The following CAMTA2 variants were observed in gnomAD, a reference collection of about 807,000 sequenced individuals.
CAMTA2 encodes the protein calmodulin binding transcription activator 2, also known as calmodulin-binding transcription activator 2.
A neutral mutation model predicts 135.7 loss-of-function variants in CAMTA2; 56 were observed. The ratio of observed to expected loss-of-function variants is 0.41; its 90% CI spans 0.33 to 0.52. CAMTA2 has a LOEUF of 0.52. Among genes scored for constraint, CAMTA2 ranks in the 20% least tolerant of loss-of-function variants. CAMTA2 has a pLI of 0.16. For synonymous variants in CAMTA2, 591 were observed against 604.6 expected (o/e 0.98, Z 0.33); for missense variants, 1,358 against 1,553.4 (o/e 0.87, Z 2.11).
intron 16 of CAMTA2, among the ~76,000 whole-genome samples, chr17:4,971,829 C>T (rs1419976575): frequency 6.6e-6 from 1 of 151,616 alleles, no homozygotes; most frequent in African/African-American, 2.4e-5. Context: ...GCTGGGATTA[C>T]AGGCACATAC....
At chr17:4,971,325 A>G (rs1597729070) in intron 16 of CAMTA2, among the ~76,000 whole-genome samples, 1 of 152,258 alleles carries the variant, frequency 6.6e-6, no homozygotes, top group South Asian at 2.1e-4. Context: ...GTTAACTCCT[A>G]CAAACCAGCT....
rs753300111 is a variant in CAMTA2, at chr17:4,986,240, G to C, written c.-18C>G. 8 of 1,606,320 alleles carry C rather than the reference G, an allele frequency of 5.0e-6. No individual in the cohort carries two copies. The Admixed American group carries it at 1.3e-4, about 27-fold the overall frequency. On this transcript the variant is annotated 5_prime_UTR_variant, in exon 2 of 23. Transcript: ENST00000348066. ...GTATTCATGGTGAGGGCTCCAGGGG[G>C]CAAGGTCACCCCCGGCCTGAGGGGC...
In CAMTA2 at chr17:4,980,637, G is replaced by A; in HGVS notation, c.701-16C>T. The A allele has an allele frequency of 1.2e-6, 2 of 1,603,298 alleles. No homozygotes were observed. Among genetic ancestry groups the A allele is most frequent in the Non-Finnish European group, 1.7e-6 (2 of 1,170,622 alleles). On this transcript the variant is annotated splice_polypyrimidine_tract_variant and intron_variant, in intron 8 of 22. Transcript: ENST00000348066. This position sits in a 1 kb window ranked among gnomAD's most constrained non-coding sequence, Gnocchi z 5.3. ...CTCCCAGAACCTGGAGTGGAGAGGA[G>A]TAGGAGGGAGAGGAGATAAGACACA...
chr17:4,969,508 C>T lies in CAMTA2; in HGVS notation c.3274G>A (p.Ala1092Thr). Residue 1092 changes from alanine (A) to threonine (T), a missense_variant, in exon 20 of 23, where the codon GCA (alanine) becomes ACA (threonine). Transcript: ENST00000348066. The surrounding 1 kb of genome is among the most constrained non-coding windows in gnomAD (Gnocchi z 5.6). ...GAGCTCATGCCTAATACCTTAAGTG[C>T]AATCCAGGTCAGCTTGTGGAGAGAG... ...YRKYKQLTWI[A>T]LKFALYKKMT... 6.2e-7 allele frequency: 1 copy of T among 1,614,146 alleles called. No individual in the cohort carries two copies. The highest frequency in any genetic ancestry group is 8.5e-7 in the Non-Finnish European group (1 of 1,179,994).
At chr17:4,984,558 A>G (rs932399528) in intron 3 of CAMTA2, among the ~76,000 whole-genome samples, 2 of 151,910 alleles carry the variant, frequency 1.3e-5, no homozygotes, top group African/African-American at 2.4e-5. Flanking sequence ...TACAACAATC[A>G]CACATACACA....
rs773494369 is a variant in CAMTA2 at position 4,980,076 on chromosome 17, C to T, written c.1246G>A (p.Ala416Thr). The T allele has an allele frequency of 6.2e-7, 1 of 1,613,740 alleles. No homozygotes were observed. Among genetic ancestry groups the T allele is most frequent in the Middle Eastern group, 1.6e-4 (1 of 6,062 alleles). Residue 416 changes from alanine (A) to threonine (T), a missense_variant, in exon 9 of 23, where the codon GCT (alanine) becomes ACT (threonine). Transcript: ENST00000348066. This position sits in a 1 kb window ranked among gnomAD's most constrained non-coding sequence, Gnocchi z 5.3. ...GCTGCCTGGGGCTCCAGGGCAGCAG[C>T]AGGCTCTAGGGCAGAACAGGGGGTA... Reference protein sequence around the residue: ...AHTPCSALEPAAALEPQAAAR... With the variant: ...AHTPCSALEPTAALEPQAAAR...
Position 4,973,568 on chromosome 17 carries a change from C to T in CAMTA2, c.2201+17G>A, listed in dbSNP as rs1420576935. ...TCCCAGAGGCTGCCCAGCCCTCACC[C>T]AGCTGCCCTTGCTCACCGCCACTGG... On this transcript the variant is annotated intron_variant, in intron 13 of 22. Transcript: ENST00000348066. The T allele has an allele frequency of 1.9e-6, 3 of 1,604,164 alleles. No homozygotes were observed. Among genetic ancestry groups the T allele is most frequent in the Non-Finnish European group, 2.5e-6 (3 of 1,177,094 alleles).
rs779510771 is a variant in CAMTA2 at position 4,974,450 on chromosome 17, G to A, written c.1951C>T (p.Arg651Trp). The A allele has an allele frequency of 1.2e-6, 2 of 1,613,910 alleles. No individual in the cohort carries two copies. Among genetic ancestry groups the A allele is most frequent in the South Asian group, 1.1e-5 (1 of 91,066 alleles). The change falls in exon 12 of 23, where the codon CGG becomes TGG. Residue 651 changes from arginine to tryptophan, a missense_variant. Arg to Trp is a moderately radical substitution (Grantham distance 101). Around this residue, in one of 4 missense-constraint regions of CAMTA2, gnomAD observed 1,077 missense variants for 1,127.5 expected, o/e 0.96. Coordinates refer to ENST00000348066, the MANE Select transcript of CAMTA2 (RefSeq NM_015099.4). The part of the protein sequence containing the change: ...ILERLEQMEK[R>W]MAEIAAAGQV... ...CCAGCTGCTGCGATCTCTGCCATCC[G>A]CTTCTCCATCTGCTCCAGTCGCTCT...
At chr17:4,970,739 G>A (rs559177485) in intron 16 of CAMTA2, among the ~76,000 whole-genome samples, 2 of 152,304 alleles carry the variant, frequency 1.3e-5, no homozygotes, top group Admixed American at 1.3e-4. Context: ...GGAGAATATA[G>A]GATAAAAAGG....
Position 4,969,797 on chromosome 17 carries a change from C to T in CAMTA2, c.3190-96G>A, listed in dbSNP as rs769298758. 27 of 1,589,004 alleles carry T rather than the reference C, an allele frequency of 1.7e-5. No homozygotes were observed. The highest frequency in any genetic ancestry group is 2.2e-5 in the Non-Finnish European group (26 of 1,159,740). On this transcript the variant is annotated intron_variant, in intron 18 of 22. Transcript: ENST00000348066. This position sits in a 1 kb window ranked among gnomAD's most constrained non-coding sequence, Gnocchi z 5.6. ...CTGGGGTTCCCCTGACCCTTTACCC[C>T]ATCCAAGGCCTGTCTGCACGACTAC...
At position 4,980,143 on chromosome 17, in the gene CAMTA2, C is replaced by A; in HGVS notation, c.1179G>T (p.Gly393=). Residue 393 remains glycine, a synonymous_variant, in exon 9 of 23, where the codon GGG becomes GGT. Transcript: ENST00000348066. This position sits in a 1 kb window ranked among gnomAD's most constrained non-coding sequence, Gnocchi z 5.3. ...SPQRGQTYGG[G]QGVSPDFPEA... ...CGGGGAAGTCTGGGCTTACTCCCTG[C>A]CCCCCTCCATATGTCTGGCCCCTCT... 6.3e-7 allele frequency: 1 copy of A among 1,593,414 alleles called. No individual in the cohort carries two copies. Among genetic ancestry groups the A allele is most frequent in the Non-Finnish European group, 8.6e-7 (1 of 1,168,852 alleles).
At chr17:4,974,263 G>A (rs1972479079) in intron 12 of CAMTA2, 122 bp downstream of exon 12, 2 of 679,748 alleles carry the variant, frequency 2.9e-6, no homozygotes, top group African/African-American at 1.8e-5. Flanking sequence ...CAGGGAGAGG[G>A]AAGACAGGCT....
chr17:4,978,660 T>C, intron 9 of CAMTA2, 30 bp from the exon 10 acceptor site: 3 of 1,605,318 alleles, frequency 1.9e-6, no homozygotes, highest in Non-Finnish European at 2.6e-6. Context: ...ACCATGTGAC[T>C]GGAGTTGGGC....
intron 11 of CAMTA2, 199 bp from the exon 12 acceptor site, chr17:4,974,699 A>G: frequency 9.4e-6 from 5 of 529,464 alleles, no homozygotes; most frequent in Non-Finnish European, 1.4e-5. Context: ...TGTTAATACT[A>G]CCCACTGATC....
Position 4,978,937 on chromosome 17 carries a change from G to C in CAMTA2, c.1639-307C>G, listed in dbSNP as rs141763595. Among the ~76,000 whole-genome samples, 36 of 152,280 alleles carry C rather than the reference G, an allele frequency of 2.4e-4. No individual in the cohort carries two copies. In the East Asian group the frequency reaches 5.8e-3, roughly 24 times the overall value. ...GTTCTTGGGCTAATTCACCCCCACT[G>C]TACTTCCTCCTTTTCCTCTCAAAGG... On this transcript the variant is annotated intron_variant, in intron 9 of 22. Transcript: ENST00000348066.
chr17:4,980,641 G>A lies in CAMTA2; in HGVS notation c.701-20C>T, dbSNP rs892685969. 42 of 1,592,890 alleles carry A rather than the reference G, an allele frequency of 2.6e-5. No homozygotes were observed. The highest frequency in any genetic ancestry group is 3.4e-5 in the Non-Finnish European group (39 of 1,161,614). ...CAGAACCTGGAGTGGAGAGGAGTAG[G>A]AGGGAGAGGAGATAAGACACATCAT... On this transcript the variant is annotated intron_variant, in intron 8 of 22. Coordinates refer to ENST00000348066, the MANE Select transcript of CAMTA2 (RefSeq NM_015099.4). This position sits in a 1 kb window ranked among gnomAD's most constrained non-coding sequence, Gnocchi z 5.3.
chr17:4,985,790 A>ACT, intron 3 of CAMTA2, 90 bp downstream of exon 3: 1 of 804,766 alleles, frequency 1.2e-6, no homozygotes, highest in Non-Finnish European at 2.2e-6. Flanking sequence ...TGCACTTAGG[A>ACT]GTGTTGACAG....
chr17:4,973,348 A>G (rs975144954), intron 13 of CAMTA2, 95 bp from the exon 14 acceptor site: 10 of 1,054,230 alleles, frequency 9.5e-6, no homozygotes, highest in African/African-American at 1.6e-5. Flanking sequence ...GGCAAGCTGT[A>G]CAGGGCCGGT....
chr17:4,980,264 G>C lies in CAMTA2; in HGVS notation c.1058C>G (p.Ser353Cys). The part of the protein sequence containing the change: ...HLAPQADPRP[S>C]MSLAVVVGTE... ...GCCTACAACCACTGCCAAACTCATG[G>C]AAGGCCTAGGATCAGCCTGTGGAGC... The change falls in exon 9 of 23, where the codon TCC becomes TGC. Residue 353 changes from serine to cysteine, a missense_variant. Around this residue, in one of 4 missense-constraint regions of CAMTA2, gnomAD observed 1,077 missense variants for 1,127.5 expected, o/e 0.96. Coordinates refer to ENST00000348066, the MANE Select transcript of CAMTA2 (RefSeq NM_015099.4). The surrounding 1 kb of genome is among the most constrained non-coding windows in gnomAD (Gnocchi z 5.3). 6.3e-7 allele frequency: 1 copy of C among 1,594,168 alleles called. No individual in the cohort carries two copies. Among genetic ancestry groups the C allele is most frequent in the Non-Finnish European group, 8.6e-7 (1 of 1,168,242 alleles).
Sources: allele counts gnomAD v4.1 joint callset (sites outside exome capture counted in the v4.1 genomes callset), GRCh38; gene constraint gnomAD v4.1.1; regional missense constraint gnomAD v4.1.1; non-coding constraint Gnocchi (gnomAD v3.1); transcripts MANE v1.5; gene names NCBI Gene and HGNC (gene_info 2026-07-23, HGNC 2026-07-21).